FBXL18: variants seen among roughly 807,000 people sequenced by gnomAD.
FBXL18 encodes the protein F-box/LRR-repeat protein 18.
Under a neutral mutation model 46.0 loss-of-function variants are expected in FBXL18, and 36 were observed. The observed-to-expected ratio is 0.78, with a 90% CI of 0.60 to 1.03. FBXL18 has a LOEUF of 1.03. Ranked by LOEUF, FBXL18 falls within the 50% of genes least tolerant of loss-of-function variation. The pLI, the probability that FBXL18 is intolerant of heterozygous loss-of-function variation, is 0.00. For synonymous variants in FBXL18, 557 were observed against 465.3 expected (o/e 1.20, Z -2.54); for missense variants, 977 against 1,004.1 (o/e 0.97, Z 0.36).
At chr7:5,482,028 C>T (rs570883811) in intron 4 of FBXL18, 97 bp from the exon 5 acceptor site, 69 of 1,414,072 alleles carry the variant, frequency 4.9e-5, no homozygotes, top group South Asian at 4.3e-4. Context: ...CCTGCCTCCC[C>T]GTCCCGGGCT....
chr7:5,457,149 A>G (rs1336506699), intron 4 of FBXL18, among the ~76,000 whole-genome samples: 1 of 152,226 alleles, frequency 6.6e-6, no homozygotes, highest in Non-Finnish European at 1.5e-5. Context: ...TCAGTTCCAC[A>G]GGAGTCACTA....
chr7:5,485,350 C>T (rs990800826), intron 4 of FBXL18, among the ~76,000 whole-genome samples: 12 of 152,248 alleles, frequency 7.9e-5, no homozygotes, highest in African/African-American at 4.8e-5. Flanking sequence ...TAGTCTGCTA[C>T]GTACATAATG....
At chr7:5,495,846 C>A in intron 3 of FBXL18, 1 of 481,386 alleles carries the variant, frequency 2.1e-6, no homozygotes. Context: ...TGGGAACCGG[C>A]ATTTGTTCTG....
rs1783584639 is a variant in FBXL18 at position 5,479,190 on chromosome 7, C to G, written c.*2585G>C. On this transcript the variant is annotated 3_prime_UTR_variant, in exon 5 of 5. Coordinates refer to ENST00000382368, the MANE Select transcript of FBXL18 (RefSeq NM_024963.6). ...GGGGTGCTTTCCAAGGCACTGCACC[C>G]CAGCCTCAGGAACAGCCCTTCCCCC... The G allele has an allele frequency of 2.0e-5, 3 of 152,084 alleles. No individual in the cohort carries two copies. Among genetic ancestry groups the G allele is most frequent in the Non-Finnish European group, 4.4e-5 (3 of 68,022 alleles). 9.4% of individuals were successfully genotyped at this position (152,084 alleles called of 1,614,324 possible). A position where few individuals can be genotyped will look rare whatever the true frequency, so the allele number is the denominator to read the frequency against.
intron 4 of FBXL18, among the ~76,000 whole-genome samples, chr7:5,461,852 A>G (rs559464147): frequency 6.6e-6 from 1 of 152,296 alleles, no homozygotes; most frequent in Non-Finnish European, 1.5e-5. Flanking sequence ...GAGGCAGGAG[A>G]ATCACTTGAG....
At chr7:5,461,283 C>T (rs1783239751) in intron 4 of FBXL18, among the ~76,000 whole-genome samples, 2 of 152,220 alleles carry the variant, frequency 1.3e-5, no homozygotes, top group Non-Finnish European at 2.9e-5. Context: ...TTTCTTCCTT[C>T]CAGCCAGGCA....
chr7:5,491,429 C>A lies in FBXL18; in HGVS notation c.1802G>T (p.Ser601Ile). 3 of 1,593,608 alleles carry A rather than the reference C, an allele frequency of 1.9e-6. No homozygotes were observed. The highest frequency in any genetic ancestry group is 2.6e-6 in the Non-Finnish European group (3 of 1,171,820). ...RDLRLEQPYF[S>I]ANAQFFQALS... ...CGCCTGGAAGAACTGGGCGTTGGCG[C>A]TGAAGTAGGGCTGCTCCAGCCTGCG... is the stretch of plus-strand genomic sequence containing the variant. The change falls in exon 4 of 5, where the codon AGC becomes ATC. Residue 601 changes from serine (S) to isoleucine (I), a missense_variant. Ser to Ile is a moderately radical substitution (Grantham distance 142, BLOSUM62 -2). Coordinates refer to ENST00000382368, the MANE Select transcript of FBXL18 (RefSeq NM_024963.6).
rs960443809 is a variant in FBXL18, at chr7:5,484,311, C to CA, written c.2001-2381dup. 1.4e-4 allele frequency among the ~76,000 whole-genome samples: 20 copies of CA among 148,146 alleles called. No individual in the cohort carries two copies. The East Asian group carries it at 2.8e-3, about 20-fold the overall frequency. On this transcript the variant is annotated intron_variant, in intron 4 of 4. Coordinates refer to ENST00000382368, the MANE Select transcript of FBXL18 (RefSeq NM_024963.6). ...TGAAACCCCGTCTCTACTAAAAATACAAAAAAAAAATTAGCCGGGCGTGGT... is the reference window on the plus strand; with the variant it reads ...TGAAACCCCGTCTCTACTAAAAATACAAAAAAAAAAATTAGCCGGGCGTGGT...
chr7:5,457,619 T>G (rs1028253476), intron 4 of FBXL18, among the ~76,000 whole-genome samples: 1 of 152,228 alleles, frequency 6.6e-6, no homozygotes, highest in Non-Finnish European at 1.5e-5. Flanking sequence ...AGCTAGAGAA[T>G]GACTCTGCAG....
downstream of FBXL18, among the ~76,000 whole-genome samples, chr7:5,475,397 G>A (rs149339964): frequency 7.7e-4 from 118 of 152,268 alleles, 1 homozygote; most frequent in East Asian, 3.5e-3. The surrounding 1 kb of genome is among the most constrained non-coding windows in gnomAD (Gnocchi z 4.2). Flanking sequence ...AAGCTGACTC[G>A]GCCCTGCCTG....
downstream of FBXL18, chr7:5,475,762 C>CA (rs1783499005): frequency 6.6e-6 from 1 of 152,250 alleles, no homozygotes; most frequent in Admixed American, 6.5e-5. The surrounding 1 kb of genome is among the most constrained non-coding windows in gnomAD (Gnocchi z 4.2). Context: ...GGCAAGAGGT[C>CA]AAAGTATCCG....
At chr7:5,510,199 G>C (rs1449046640) in intron 1 of FBXL18, among the ~76,000 whole-genome samples, 1 of 150,924 alleles carries the variant, frequency 6.6e-6, no homozygotes, top group Non-Finnish European at 1.5e-5. Context: ...CTACTCAGGA[G>C]GCTGAGGCAA....
chr7:5,513,663 G>A lies in FBXL18; in HGVS notation c.12C>T (p.Ser4=). MAS[S]GEDISNDDDD... The stretch of plus-strand genomic sequence containing the variant: ...AGACAGTCGCGGACAGTACCTCTCC[G>A]GAGCTGGCCATGTCGCCGGCGGGTC... Residue 4 remains serine (S), a synonymous_variant, in exon 1 of 5, where the codon TCC becomes TCT. Transcript: ENST00000382368. The A allele has an allele frequency of 2.5e-6, 4 of 1,610,480 alleles. No homozygotes were observed. The highest frequency in any genetic ancestry group is 2.5e-6 in the Non-Finnish European group (3 of 1,178,552).
rs756212972 is a variant in FBXL18, at chr7:5,500,745, G to C, written c.1524C>G (p.Asn508Lys). ...GTGCGCGGCTGCAGGGTGGGAGCGA[G>C]TTGCGGATGGCGGGCTCGTTGCGGG... ...AMPRNEPAIR[N>K]SLPPCSRAQS... The change falls in exon 3 of 5, where the codon AAC (asparagine) becomes AAG (lysine). Residue 508 changes from asparagine (N) to lysine (K), a missense_variant. By Grantham distance (94) the Asn-to-Lys change is moderately conservative. Coordinates refer to ENST00000382368, the MANE Select transcript of FBXL18 (RefSeq NM_024963.6). 1 of 1,612,610 alleles carries C rather than the reference G, an allele frequency of 6.2e-7. No homozygotes were observed. Among genetic ancestry groups the C allele is most frequent in the East Asian group, 2.2e-5 (1 of 44,860 alleles).
chr7:5,498,620 G>A (rs909338037), intron 3 of FBXL18, among the ~76,000 whole-genome samples: 1 of 152,048 alleles, frequency 6.6e-6, no homozygotes, highest in East Asian at 1.9e-4. Context: ...ACCCAGGCTG[G>A]AGTGCAGTGG....
chr7:5,489,277 A>C, intron 4 of FBXL18: 1 of 519,014 alleles, frequency 1.9e-6, no homozygotes, highest in South Asian at 1.4e-5. Flanking sequence ...TGAGAACCCT[A>C]TCTCCAGTTC....
Position 5,476,632 on chromosome 7 carries a change from CTTT to C in FBXL18, c.*5140_*5142del, listed in dbSNP as rs780853194. ...AGGCACATGTACAATGCCCAGCTAA[CTTT>C]TTTTTTTATTTTATGTAGCGATACA... On this transcript the variant is annotated 3_prime_UTR_variant, in exon 5 of 5. Transcript: ENST00000382368. The C allele has an allele frequency of 2.8e-3, 418 of 149,654 alleles. 2 individuals are homozygous for C. Among genetic ancestry groups the C allele is most frequent in the Non-Finnish European group, 4.7e-3 (316 of 67,194 alleles). The allele number at this position is 149,654 out of a possible 1,614,324, so 9.3% of individuals were successfully genotyped here.
In FBXL18 at chr7:5,478,868, C is replaced by CGT. The variant is rs1299423717; in HGVS notation, c.*2906_*2907insAC. The CGT allele has an allele frequency of 1.3e-5, 2 of 152,100 alleles. No individual in the cohort carries two copies. Among genetic ancestry groups the CGT allele is most frequent in the Non-Finnish European group, 2.9e-5 (2 of 68,028 alleles). 9.4% of individuals were successfully genotyped at this position (152,100 alleles called of 1,614,324 possible). A position where few individuals can be genotyped will look rare whatever the true frequency, so the allele number is the denominator to read the frequency against. Reference sequence around the variant, plus strand: ...GCAGGCACACGTGCACGCAGGCACACGCACGCAGGCACGGGGACAAGTGCT... The same window carrying CGT: ...GCAGGCACACGTGCACGCAGGCACACGTGCACGCAGGCACGGGGACAAGTGCT... On this transcript the variant is annotated 3_prime_UTR_variant, in exon 5 of 5. Transcript: ENST00000382368.
intron 3 of FBXL18, among the ~76,000 whole-genome samples, chr7:5,495,359 G>T (rs1349827636): frequency 6.6e-6 from 1 of 152,198 alleles, no homozygotes; most frequent in Non-Finnish European, 1.5e-5. Flanking sequence ...CTTCTGCCCA[G>T]ACGCTGCCCT....
Sources: gnomAD v4.1 joint callset for allele counts (sites outside exome capture counted in the v4.1 genomes callset) on GRCh38, gnomAD v4.1.1 for gene constraint, Gnocchi (gnomAD v3.1) non-coding constraint, MANE v1.5 for transcripts, NCBI Gene and HGNC (gene_info 2026-07-23, HGNC 2026-07-21) for gene names.